Variants in SLC29A1 observed in about 807,000 individuals in gnomAD.
SLC29A1 encodes the protein solute carrier family 29 member 1 (Augustine blood group), also known as equilibrative nucleoside transporter 1.
In SLC29A1, 22 loss-of-function variants were observed where a neutral mutation model predicts 48.3. The observed-to-expected ratio is 0.46, with a 90% CI of 0.33 to 0.65. The LOEUF (loss-of-function observed/expected upper bound fraction) is 0.65, where lower values mean the gene tolerates loss of function less well. SLC29A1 is among the 30% of genes least tolerant of loss of function. The pLI is 0.03. For missense variants in SLC29A1, 491 were observed against 575.3 expected (o/e 0.85, Z 1.50); for synonymous variants, 228 against 231.0 (o/e 0.99, Z 0.12).
upstream of SLC29A1, chr6:44,219,904 C>G (rs1012007983): frequency 1.2e-4 from 70 of 574,632 alleles, 1 homozygote; most frequent in Non-Finnish European, 1.4e-4. Flanking sequence ...GCTACAGTGT[C>G]TCAGGGGAGT....
In SLC29A1 at chr6:44,229,864, G is replaced by T; in HGVS notation, c.315-43G>T. Reference sequence around the variant, plus strand: ...CCTGCACCCCCTTGGCTGAGCCCCAGCTTTGCCCACTTGTCTCTGCCACCC... The same window carrying T: ...CCTGCACCCCCTTGGCTGAGCCCCATCTTTGCCCACTTGTCTCTGCCACCC... On this transcript the variant is annotated intron_variant, in intron 4 of 12. Transcript: ENST00000371755. This position sits in a 1 kb window ranked among gnomAD's most constrained non-coding sequence, Gnocchi z 5.1. 1 of 1,610,252 alleles carries T rather than the reference G, an allele frequency of 6.2e-7. No individual in the cohort carries two copies. Among genetic ancestry groups the T allele is most frequent in the Non-Finnish European group, 8.5e-7 (1 of 1,179,144 alleles).
chr6:44,232,759 G>A lies in SLC29A1; in HGVS notation c.1060-48G>A, dbSNP rs764259904. ...CAGATGGATCCTTGGGGGCCTGGCT[G>A]TGCCCTGGGGTGGCGGCCTGGGCTG... On this transcript the variant is annotated intron_variant, in intron 11 of 12. Coordinates refer to ENST00000371755, the MANE Select transcript of SLC29A1 (RefSeq NM_001372327.1). The surrounding 1 kb of genome is among the most constrained non-coding windows in gnomAD (Gnocchi z 4.7). 5 of 1,573,766 alleles carry A rather than the reference G, an allele frequency of 3.2e-6. No individual in the cohort carries two copies. The South Asian group carries it at 5.5e-5, about 17-fold the overall frequency.
rs980406926 is a variant in SLC29A1 at position 44,227,271 on chromosome 6, G to C, written c.-43G>C. On this transcript the variant is annotated 5_prime_UTR_variant, in exon 2 of 13. Transcript: ENST00000371755. ...GTTCCTGCCCCCAGCAGGCCCCTGA[G>C]GGAGGGAGCTGTCAGCCAGGGAAAA... is the stretch of plus-strand genomic sequence containing the variant. 2 of 1,613,656 alleles carry C rather than the reference G, an allele frequency of 1.2e-6. No individual in the cohort carries two copies. The highest frequency in any genetic ancestry group is 1.7e-5 in the Admixed American group (1 of 59,978).
upstream of SLC29A1, chr6:44,219,727 GCCT>G: frequency 7.8e-7 from 1 of 1,289,096 alleles, no homozygotes; most frequent in Non-Finnish European, 1.0e-6. Context: ...GGGCCCGCAG[GCCT>G]GGGAATTTCC....
At chr6:44,220,666 A>AAC (rs1776284350), upstream of SLC29A1, among the ~76,000 whole-genome samples, 2 of 150,724 alleles carry the variant, frequency 1.3e-5, 1 homozygote, top group African/African-American at 4.9e-5. Context: ...AAAAAAAAAA[A>AAC]ATACAAAAAT....
chr6:44,229,503 A>C lies in SLC29A1; in HGVS notation c.111+32A>C. On this transcript the variant is annotated intron_variant, in intron 3 of 12. Coordinates refer to ENST00000371755, the MANE Select transcript of SLC29A1 (RefSeq NM_001372327.1). This position sits in a 1 kb window ranked among gnomAD's most constrained non-coding sequence, Gnocchi z 5.1. ...CTGGAGGGACTGGGCTCCATGGGGC[A>C]GTGCCCACTGTGCTTGCAGGATCTG... is the stretch of plus-strand genomic sequence containing the variant. The C allele has an allele frequency of 6.2e-7, 1 of 1,609,550 alleles. No individual in the cohort carries two copies. Among genetic ancestry groups the C allele is most frequent in the Non-Finnish European group, 8.5e-7 (1 of 1,175,862 alleles).
In SLC29A1 at chr6:44,233,694, C is replaced by T. The variant is rs1181499885; in HGVS notation, c.*166C>T. Reference sequence around the variant, plus strand: ...TCTCCAGGCCCTGGGGAGGGAGCCTCTGGACGGACAGTGGGGACATTGTGG... The same window carrying T: ...TCTCCAGGCCCTGGGGAGGGAGCCTTTGGACGGACAGTGGGGACATTGTGG... On this transcript the variant is annotated 3_prime_UTR_variant, in exon 13 of 13. Coordinates refer to ENST00000371755, the MANE Select transcript of SLC29A1 (RefSeq NM_001372327.1). 3 of 621,712 alleles carry T rather than the reference C, an allele frequency of 4.8e-6. No individual in the cohort carries two copies. The highest frequency in any genetic ancestry group is 8.6e-6 in the Non-Finnish European group (3 of 347,684). The allele number at this position is 621,712 out of a possible 1,614,324, so 38.5% of individuals were successfully genotyped here.
At chr6:44,227,157 C>A (rs1777742172) in intron 1 of SLC29A1, 106 bp from the exon 2 acceptor site, 1 of 1,386,944 alleles carries the variant, frequency 7.2e-7, no homozygotes, top group East Asian at 2.5e-5. Context: ...TTACTGGACT[C>A]CTCCACTGGC....
chr6:44,226,898 G>T, intron 1 of SLC29A1: 1 of 1,056,768 alleles, frequency 9.5e-7, no homozygotes, highest in Non-Finnish European at 1.1e-6. Context: ...CCTCTTGCCT[G>T]CCTTCTTTGA....
chr6:44,228,313 C>G (rs1365468200), intron 2 of SLC29A1, among the ~76,000 whole-genome samples: 1 of 152,240 alleles, frequency 6.6e-6, no homozygotes, highest in South Asian at 2.1e-4. Context: ...CTCCCCCCAA[C>G]CCCGATCCTC....
Position 44,232,116 on chromosome 6 carries a change from C to T in SLC29A1, c.973+10C>T, listed in dbSNP as rs1779028619. 6.3e-7 allele frequency: 1 copy of T among 1,592,258 alleles called. No homozygotes were observed. The highest frequency in any genetic ancestry group is 1.3e-5 in the African/African-American group (1 of 74,444). On this transcript the variant is annotated intron_variant, in intron 10 of 12. Coordinates refer to ENST00000371755, the MANE Select transcript of SLC29A1 (RefSeq NM_001372327.1). The surrounding 1 kb of genome is among the most constrained non-coding windows in gnomAD (Gnocchi z 4.7). ...GGCAGCAGCACCTGGGGTGAGGATG[C>T]CACAGGTTTCCAGGATGGGAACAGA...
chr6:44,228,522 GC>G (rs566273027), intron 2 of SLC29A1, among the ~76,000 whole-genome samples: 345 of 152,352 alleles, frequency 2.3e-3, no homozygotes, highest in Admixed American at 4.5e-3. Flanking sequence ...CTCTGGCCAG[GC>G]CTGTCTTCTC....
chr6:44,232,687 TA>T lies in SLC29A1; in HGVS notation c.1060-118del. On this transcript the variant is annotated intron_variant, in intron 11 of 12. Transcript: ENST00000371755. The surrounding 1 kb of genome is among the most constrained non-coding windows in gnomAD (Gnocchi z 4.7). The stretch of plus-strand genomic sequence containing the variant: ...CATGCCCCTTTCAAGAGTAACCCCC[TA>T]AGGAGAACCAGGCTTTGAGGTTTCA... The T allele has an allele frequency of 1.1e-6, 1 of 919,832 alleles. No individual in the cohort carries two copies. The highest frequency in any genetic ancestry group is 1.7e-6 in the Non-Finnish European group (1 of 590,850). The allele number at this position is 919,832 out of a possible 1,614,324, so 57.0% of individuals were successfully genotyped here.
At chr6:44,222,712 C>G (rs1476182556), upstream of SLC29A1, among the ~76,000 whole-genome samples, 1 of 152,154 alleles carries the variant, frequency 6.6e-6, no homozygotes, top group Non-Finnish European at 1.5e-5. Context: ...CTCAGCACGC[C>G]CACACCTTCC....
Position 44,230,426 on chromosome 6 carries a change from T to G in SLC29A1, c.534T>G (p.Ser178Arg). Residue 178 changes from serine (S) to arginine (R), a missense_variant, in exon 6 of 13, where the codon AGT (serine) becomes AGG (arginine). Physicochemically the swap from Ser to Arg is moderately radical, Grantham distance 110 (BLOSUM62 -1). Coordinates refer to ENST00000371755, the MANE Select transcript of SLC29A1 (RefSeq NM_001372327.1). ...CCAGCTACACGGCCCCCATCATGAG[T>G]GGCCAGGGCCTAGCAGGCTTCTTTG... ...LPASYTAPIM[S>R]GQGLAGFFAS... is the part of the protein sequence containing the mutation. 2 of 1,614,042 alleles carry G rather than the reference T, an allele frequency of 1.2e-6. No homozygotes were observed. The highest frequency in any genetic ancestry group is 1.7e-6 in the Non-Finnish European group (2 of 1,179,982).
In SLC29A1 at chr6:44,229,345, G is replaced by A. The variant is rs969108471; in HGVS notation, c.30-45G>A. 6.9e-7 allele frequency: 1 copy of A among 1,448,692 alleles called. No individual in the cohort carries two copies. The highest frequency in any genetic ancestry group is 9.7e-7 in the Non-Finnish European group (1 of 1,028,850). 89.7% of individuals were successfully genotyped at this position (1,448,692 alleles called of 1,614,324 possible). A position where few individuals can be genotyped will look rare whatever the true frequency, so the allele number is the denominator to read the frequency against. Reference sequence around the variant, plus strand: ...TTCCTGGGGCTCATTGTGGAGTGGGGCAGGATGGTGCGTCATTTGGCCCAT... The same window carrying A: ...TTCCTGGGGCTCATTGTGGAGTGGGACAGGATGGTGCGTCATTTGGCCCAT... On this transcript the variant is annotated intron_variant, in intron 2 of 12. Coordinates refer to ENST00000371755, the MANE Select transcript of SLC29A1 (RefSeq NM_001372327.1). The surrounding 1 kb of genome is among the most constrained non-coding windows in gnomAD (Gnocchi z 5.1).
intron 1 of SLC29A1, among the ~76,000 whole-genome samples, chr6:44,225,502 C>T (rs866687909): frequency 2.8e-5 from 4 of 141,966 alleles, no homozygotes; most frequent in East Asian, 2.0e-4. Flanking sequence ...GCAAAAACTC[C>T]GTCTCAAAAA....
upstream of SLC29A1, among the ~76,000 whole-genome samples, chr6:44,223,218 G>C (rs1034505578): frequency 6.6e-6 from 1 of 152,144 alleles, no homozygotes; most frequent in African/African-American, 2.4e-5. This position sits in a 1 kb window ranked among gnomAD's most constrained non-coding sequence, Gnocchi z 5.0. Context: ...CTGAGGTGGA[G>C]TGGGCCGTGG....
chr6:44,232,283 T>C lies in SLC29A1; in HGVS notation c.974-60T>C, dbSNP rs1336030446. On this transcript the variant is annotated intron_variant, in intron 10 of 12. Transcript: ENST00000371755. This position sits in a 1 kb window ranked among gnomAD's most constrained non-coding sequence, Gnocchi z 4.7. ...TGGGGAAGCTGAGGCCCAGTGAAGG[T>C]TAGGCTTGCTATACCTGCCTCTGTG... 4 of 1,307,616 alleles carry C rather than the reference T, an allele frequency of 3.1e-6. No homozygotes were observed. Among genetic ancestry groups the C allele is most frequent in the Non-Finnish European group, 4.4e-6 (4 of 900,806 alleles). The allele number at this position is 1,307,616 out of a possible 1,614,324, so 81.0% of individuals were successfully genotyped here. A position where few individuals can be genotyped will look rare whatever the true frequency, so the allele number is the denominator to read the frequency against.
Sources: gnomAD v4.1 joint callset for allele counts (sites outside exome capture counted in the v4.1 genomes callset) on GRCh38, gnomAD v4.1.1 for gene constraint, Gnocchi (gnomAD v3.1) non-coding constraint, MANE v1.5 for transcripts, NCBI Gene and HGNC (gene_info 2026-07-23, HGNC 2026-07-21) for gene names.